KLF8: variants seen among roughly 807,000 people sequenced by gnomAD.
The protein encoded by KLF8 is Krueppel-like factor 8.
A neutral mutation model predicts 18.2 loss-of-function variants in KLF8; 10 were observed. The observed-to-expected ratio is 0.55, with a 90% CI of 0.34 to 0.93. The LOEUF is 0.93. KLF8 is among the 40% of genes least tolerant of loss of function. The pLI is 0.02. For synonymous variants in KLF8, 109 were observed against 97.3 expected (o/e 1.12, Z -0.71); for missense variants, 264 against 277.9 (o/e 0.95, Z 0.36).
At chrX:56,219,012 A>G in the KLF8 span, among the ~76,000 whole-genome samples, 1 of 112,186 alleles carries the variant, frequency 8.9e-6, no homozygotes, top group Non-Finnish European at 1.9e-5. Flanking sequence ...CACACTAAAC[A>G]AAACAACATT....
chrX:56,286,234 C>T lies in KLF8; in HGVS notation c.*1740C>T, dbSNP rs1240557971. The T allele has an allele frequency of 9.0e-6, 1 of 111,496 alleles. No individual in the cohort carries two copies. The highest frequency in any genetic ancestry group is 2.8e-4 in the East Asian group (1 of 3,574). 9.2% of individuals were successfully genotyped at this position (111,496 alleles called of 1,213,427 possible). On this transcript the variant is annotated 3_prime_UTR_variant, in exon 6 of 6. Coordinates refer to ENST00000468660, the MANE Select transcript of KLF8 (RefSeq NM_007250.5). ...GTGGCGTAATCTTGGCTCACTGCAA[C>T]CTCCGCCTCCTGGGTTCAAGTGATT...
In KLF8 at chrX:56,287,110, T is replaced by A. The variant is rs760949753; in HGVS notation, c.*2616T>A. On this transcript the variant is annotated 3_prime_UTR_variant, in exon 6 of 6. Transcript: ENST00000468660. ...TTATCAAATATCTTGTTGAACTAAT[T>A]AGGTTGATCAAATTAGGATCCCAAA... is the stretch of plus-strand genomic sequence containing the variant. The A allele has an allele frequency of 8.9e-6, 1 of 111,988 alleles. No individual in the cohort carries two copies. Among genetic ancestry groups the A allele is most frequent in the African/African-American group, 3.2e-5 (1 of 30,894 alleles). 9.2% of individuals were successfully genotyped at this position (111,988 alleles called of 1,213,427 possible). A position where few individuals can be genotyped will look rare whatever the true frequency, so the allele number is the denominator to read the frequency against.
At chrX:55,990,861 G>A in the KLF8 span, among the ~76,000 whole-genome samples, 2 of 111,477 alleles carry the variant, frequency 1.8e-5, no homozygotes, top group East Asian at 2.8e-4. Context: ...TCCTCTGGAA[G>A]TTTTGTCTCA....
chrX:56,220,707 C>T, the KLF8 span, among the ~76,000 whole-genome samples: 1 of 111,385 alleles, frequency 9.0e-6, no homozygotes, highest in Non-Finnish European at 1.9e-5. Flanking sequence ...AGGCTGATCT[C>T]GAACTCCTGA....
the KLF8 span, among the ~76,000 whole-genome samples, chrX:56,037,152 T>C: frequency 2.7e-5 from 3 of 111,950 alleles, no homozygotes; most frequent in African/African-American, 9.7e-5. Flanking sequence ...TATTTTTTTC[T>C]CTTACCTAGT....
chrX:56,228,403 T>A (rs961444082), upstream of KLF8, among the ~76,000 whole-genome samples: 3 of 112,244 alleles, frequency 2.7e-5, no homozygotes, highest in African/African-American at 9.7e-5. Flanking sequence ...GTTTGATCCC[T>A]TCTGGAGTCT....
At chrX:56,132,644 A>G in the KLF8 span, among the ~76,000 whole-genome samples, 1 of 111,665 alleles carries the variant, frequency 9.0e-6, no homozygotes, top group East Asian at 2.8e-4. Context: ...TCAAACCCAG[A>G]AGAAGAAAAG....
chrX:56,174,970 A>G, the KLF8 span, among the ~76,000 whole-genome samples: 2 of 111,425 alleles, frequency 1.8e-5, no homozygotes, highest in South Asian at 7.5e-4. Context: ...TATTGCGTCT[A>G]TTTGGTTCTT....
chrX:56,214,096 A>G, the KLF8 span, among the ~76,000 whole-genome samples: 1 of 109,655 alleles, frequency 9.1e-6, no homozygotes, highest in Non-Finnish European at 1.9e-5. Context: ...CTTCTCCTTG[A>G]TGTTCAGTTG....
the KLF8 span, among the ~76,000 whole-genome samples, chrX:55,986,694 T>C: frequency 8.9e-6 from 1 of 112,122 alleles, no homozygotes. Context: ...GATTATTTGA[T>C]TTTTTCAACT....
intron 5 of KLF8, among the ~76,000 whole-genome samples, chrX:56,276,593 G>T (rs1291896520): frequency 1.8e-5 from 2 of 111,483 alleles, no homozygotes; most frequent in African/African-American, 6.5e-5. Flanking sequence ...TGGCCTTTAA[G>T]GTTTCTACTA....
chrX:55,943,266 A>G, the KLF8 span, among the ~76,000 whole-genome samples: 18 of 110,568 alleles, frequency 1.6e-4, no homozygotes, highest in African/African-American at 5.9e-4. Flanking sequence ...TAGAAGCACT[A>G]GAGCAGCATA....
the KLF8 span, among the ~76,000 whole-genome samples, chrX:56,091,609 G>T: frequency 9.0e-6 from 1 of 110,942 alleles, no homozygotes; most frequent in Non-Finnish European, 1.9e-5. Flanking sequence ...CAAATCTCCT[G>T]CCTCAGCCTC....
chrX:55,986,538 AT>A, the KLF8 span, among the ~76,000 whole-genome samples: 1 of 111,873 alleles, frequency 8.9e-6, no homozygotes, highest in African/African-American at 3.2e-5. Flanking sequence ...GAACCTGGAT[AT>A]TTTAGCTGAA....
In KLF8 at chrX:56,285,652, A is replaced by G. The variant is rs937284743; in HGVS notation, c.*1158A>G. The G allele has an allele frequency of 1.8e-5, 2 of 112,024 alleles. No individual in the cohort carries two copies. Among genetic ancestry groups the G allele is most frequent in the African/African-American group, 6.5e-5 (2 of 30,814 alleles). The allele number at this position is 112,024 out of a possible 1,213,427, so 9.2% of individuals were successfully genotyped here. On this transcript the variant is annotated 3_prime_UTR_variant, in exon 6 of 6. Coordinates refer to ENST00000468660, the MANE Select transcript of KLF8 (RefSeq NM_007250.5). ...AGATGCTTTTCATGAAAACTGACCT[A>G]CAAAAAGCAATTTGATGTTCTGCAA...
chrX:56,019,120 A>G, the KLF8 span, among the ~76,000 whole-genome samples: 3 of 111,833 alleles, frequency 2.7e-5, no homozygotes, highest in African/African-American at 6.5e-5. Context: ...AATTCTGTAT[A>G]GAAGGAGAAA....
At chrX:56,231,874 CCTT>C (rs1480088070), upstream of KLF8, among the ~76,000 whole-genome samples, 1 of 110,403 alleles carries the variant, frequency 9.1e-6, no homozygotes, top group Admixed American at 9.7e-5. Context: ...ATCTTCAACT[CCTT>C]CTTCTTCCCC....
At chrX:56,104,368 T>C in the KLF8 span, among the ~76,000 whole-genome samples, 10 of 111,615 alleles carry the variant, frequency 9.0e-5, 1 homozygote, top group East Asian at 2.8e-3. Context: ...TGGTAAGCTA[T>C]TGATTATTGC....
the KLF8 span, among the ~76,000 whole-genome samples, chrX:56,183,865 T>TA: frequency 2.7e-5 from 3 of 110,744 alleles, no homozygotes; most frequent in Admixed American, 2.9e-4. Context: ...GCTCAATGGA[T>TA]AAAAAATCAG....
Sources: allele counts gnomAD v4.1 joint callset (sites outside exome capture counted in the v4.1 genomes callset), GRCh38; gene constraint gnomAD v4.1.1; transcripts MANE v1.5; gene names NCBI Gene and HGNC (gene_info 2026-07-23, HGNC 2026-07-21).